Variants in NEK5 observed in about 807,000 individuals in gnomAD.
NEK5 encodes the protein NIMA related kinase 5, also known as serine/threonine-protein kinase Nek5.
NEK5 carries 88 observed loss-of-function variants against 109.2 expected under a neutral mutation model. That is an observed-to-expected ratio of 0.81 (90% confidence interval 0.68 to 0.96). The LOEUF is 0.96. Ranked by LOEUF, NEK5 falls within the 40% of genes least tolerant of loss-of-function variation. NEK5 has a pLI of 0.00. For missense variants in NEK5, 834 were observed against 920.7 expected, an observed-to-expected ratio of 0.91 and a Z score of 1.22; for synonymous variants, 283 against 299.9, an observed-to-expected ratio of 0.94 and a Z score of 0.58.
At chr13:52,080,072 C>T (rs1246832169) in intron 17 of NEK5, among the ~76,000 whole-genome samples, 72 of 151,922 alleles carry the variant, frequency 4.7e-4, no homozygotes, top group African/African-American at 1.6e-3. Context: ...GGCAGCCGCC[C>T]GGTCTGAGAA....
intron 12 of NEK5, among the ~76,000 whole-genome samples, chr13:52,095,044 G>A (rs1229872768): frequency 1.3e-5 from 2 of 151,994 alleles, no homozygotes; most frequent in Non-Finnish European, 2.9e-5. Context: ...ATCCTCCCAA[G>A]TAACTGGGAC....
intron 20 of NEK5, among the ~76,000 whole-genome samples, chr13:52,067,456 C>T (rs1954708806): frequency 6.6e-6 from 1 of 152,178 alleles, no homozygotes; most frequent in South Asian, 2.1e-4. Context: ...GATAAGGGAG[C>T]AAAGTCCAAC....
chr13:52,050,118 A>C lies in NEK5; in HGVS notation c.2214T>G (p.Ser738=). 3 of 981,598 alleles carry C rather than the reference A, an allele frequency of 3.1e-6. No homozygotes were observed. The highest frequency in any genetic ancestry group is 3.6e-6 in the Non-Finnish European group (3 of 826,060). The allele number at this position is 981,598 out of a possible 1,614,324, so 60.8% of individuals were successfully genotyped here. A position where few individuals can be genotyped will look rare whatever the true frequency, so the allele number is the denominator to read the frequency against. ...EVDEEQLEPR[S]DDDDTNFEES... is the part of the protein sequence containing the mutation. Reference sequence around the variant, plus strand: ...GATCTACTTACGTATCATCATCATCAGATCTTGGTTCTAGTTGTTCCTCAT... The same window carrying C: ...GATCTACTTACGTATCATCATCATCCGATCTTGGTTCTAGTTGTTCCTCAT... The change falls in exon 23 of 24, where the codon TCT becomes TCG. Residue 738 remains serine (S), a synonymous_variant. Transcript: ENST00000684899.
At chr13:52,070,994 C>T (rs1277198927) in intron 20 of NEK5, among the ~76,000 whole-genome samples, 1 of 152,180 alleles carries the variant, frequency 6.6e-6, no homozygotes, top group Admixed American at 6.5e-5. Context: ...AGAAAGGTCA[C>T]ATAACCAGAA....
intron 8 of NEK5, among the ~76,000 whole-genome samples, chr13:52,106,172 GA>G (rs1955651229): frequency 1.5e-5 from 2 of 134,562 alleles, no homozygotes; most frequent in African/African-American, 5.1e-5. Flanking sequence ...GGTGCCAGGG[GA>G]TGTCTCAAAA....
chr13:52,091,149 G>GA (rs1955275534), intron 13 of NEK5, among the ~76,000 whole-genome samples: 1 of 152,188 alleles, frequency 6.6e-6, no homozygotes, highest in African/African-American at 2.4e-5. Flanking sequence ...GGGCATCCAG[G>GA]AAAGAGAAGG....
At chr13:52,066,257 C>T (rs1235478512) in intron 20 of NEK5, among the ~76,000 whole-genome samples, 1 of 152,076 alleles carries the variant, frequency 6.6e-6, no homozygotes, top group Non-Finnish European at 1.5e-5. Flanking sequence ...CTAATCATTT[C>T]CTGCCAGATT....
chr13:52,058,652 A>G (rs909239152), intron 22 of NEK5, among the ~76,000 whole-genome samples: 1 of 151,932 alleles, frequency 6.6e-6, no homozygotes, highest in African/African-American at 2.4e-5. Context: ...AACGCCACAT[A>G]TCTACAACTA....
chr13:52,044,284 T>C (rs1179682572), intron 23 of NEK5, among the ~76,000 whole-genome samples: 2 of 152,216 alleles, frequency 1.3e-5, no homozygotes, highest in Admixed American at 1.3e-4. Flanking sequence ...CTCCCCTTTA[T>C]ATTCCATTAC....
At chr13:52,102,533 G>A (rs1032447700) in intron 9 of NEK5, among the ~76,000 whole-genome samples, 6 of 152,066 alleles carry the variant, frequency 3.9e-5, no homozygotes, top group African/African-American at 1.4e-4. Flanking sequence ...CCAAATCATG[G>A]TTTTTAAACA....
chr13:52,101,909 A>G (rs1331362667), intron 11 of NEK5, 24 bp downstream of exon 11: 11 of 1,582,326 alleles, frequency 7.0e-6, no homozygotes, highest in Non-Finnish European at 9.6e-6. Context: ...AATACTTTTG[A>G]TTGCATGCCA....
intron 10 of NEK5, 29 bp from the exon 11 acceptor site, chr13:52,102,043 T>A: frequency 1.2e-6 from 2 of 1,612,602 alleles, no homozygotes; most frequent in Non-Finnish European, 1.7e-6. Context: ...GTCAAGGACC[T>A]GCAACCCAAA....
intron 17 of NEK5, among the ~76,000 whole-genome samples, chr13:52,078,016 G>T (rs1361202114): frequency 6.6e-6 from 1 of 151,948 alleles, no homozygotes; most frequent in African/African-American, 2.4e-5. Flanking sequence ...AGAGGTTGTG[G>T]TGAACTGAGA....
rs1267523333 is a variant in NEK5, at chr13:52,101,989, A to G, written c.836T>C (p.Met279Thr). The change falls in exon 11 of 24, where the codon ATG becomes ACG. Residue 279 changes from methionine (M) to threonine (T), a missense_variant. This residue lies in a region of NEK5 where 777 missense variants were observed against 824.7 expected (regional missense o/e 0.94). Transcript: ENST00000684899. ...TGGCGCTCCTGCTCTGCATATAAGC[A>G]TGTGACTGAATTCTTCCTGAATGAC... The part of the protein sequence containing the change: ...PEVIQEEFSH[M>T]LICRAGAPAS... 2.5e-6 allele frequency: 4 copies of G among 1,614,208 alleles called. No individual in the cohort carries two copies. The highest frequency in any genetic ancestry group is 3.4e-6 in the Non-Finnish European group (4 of 1,180,024).
rs142318030 is a variant in NEK5 at position 52,078,045 on chromosome 13, G to A, written c.1573-1902C>T. Among the ~76,000 whole-genome samples the A allele has an allele frequency of 3.3e-3, 495 of 151,544 alleles. 3 individuals carry two copies. Among genetic ancestry groups the A allele is most frequent in the African/African-American group, 0.011 (473 of 41,302 alleles). On this transcript the variant is annotated intron_variant, in intron 17 of 23. Transcript: ENST00000684899. ...ACTGAGATTGTGCCATTGCACTCCA[G>A]CCTGGGCAACAAGGGCGAAACTTGT...
rs528690883 is a variant in NEK5, at chr13:52,037,694, C to T, written c.2229-476G>A. Among the ~76,000 whole-genome samples, 8 of 152,140 alleles carry T rather than the reference C, an allele frequency of 5.3e-5. No homozygotes were observed. In the East Asian group the frequency reaches 9.7e-4, roughly 18 times the overall value. Reference sequence around the variant, plus strand: ...ATCCCAGCACTTTGGGAGGCCGAGGCGGGCGGATCACGAGGTCAGGAGATC... The same window carrying T: ...ATCCCAGCACTTTGGGAGGCCGAGGTGGGCGGATCACGAGGTCAGGAGATC... On this transcript the variant is annotated intron_variant, in intron 23 of 23. Coordinates refer to ENST00000684899, the MANE Select transcript of NEK5 (RefSeq NM_001365552.1).
intron 23 of NEK5, among the ~76,000 whole-genome samples, chr13:52,040,232 T>C (rs1954402060): frequency 6.6e-6 from 1 of 152,040 alleles, no homozygotes; most frequent in Admixed American, 6.6e-5. Flanking sequence ...TTAAGGCACC[T>C]GCCACCATGC....
At position 52,127,438 on chromosome 13, in the gene NEK5, G is replaced by T; in HGVS notation, c.45C>A (p.Phe15Leu). 6.2e-7 allele frequency: 1 copy of T among 1,612,880 alleles called. No homozygotes were observed. Among genetic ancestry groups the T allele is most frequent in the Non-Finnish European group, 8.5e-7 (1 of 1,178,884 alleles). Residue 15 changes from phenylalanine (F) to leucine (L), a missense_variant, in exon 3 of 24, where the codon TTC (phenylalanine) becomes TTA (leucine). Phe to Leu is a conservative substitution (Grantham distance 22, BLOSUM62 0). Around this residue, in one of 2 missense-constraint regions of NEK5, gnomAD observed 777 missense variants for 824.7 expected, o/e 0.94. Coordinates refer to ENST00000684899, the MANE Select transcript of NEK5 (RefSeq NM_001365552.1). ...DVIKAIGQGA[F>L]GKAYLAKGKS... is the part of the protein sequence containing the mutation. Reference sequence around the variant, plus strand: ...TCCCTTTAGCTAAGTATGCTTTCCCGAAGGCACCTTGCCCGATGGCCTTAA... The same window carrying T: ...TCCCTTTAGCTAAGTATGCTTTCCCTAAGGCACCTTGCCCGATGGCCTTAA...
In NEK5 at chr13:52,076,367, A is replaced by G. The variant is rs191304649; in HGVS notation, c.1573-224T>C. On this transcript the variant is annotated intron_variant, in intron 17 of 23. Coordinates refer to ENST00000684899, the MANE Select transcript of NEK5 (RefSeq NM_001365552.1). The stretch of plus-strand genomic sequence containing the variant: ...ATTCTATAATGTGACAATACTTATC[A>G]CTCCAGTCCACTCCAGTCCAACCCA... 1.1e-4 allele frequency among the ~76,000 whole-genome samples: 16 copies of G among 152,182 alleles called. No homozygotes were observed. The East Asian group carries it at 3.1e-3, about 29-fold the overall frequency.
Sources: gnomAD v4.1 joint callset for allele counts (sites outside exome capture counted in the v4.1 genomes callset) on GRCh38, gnomAD v4.1.1 for gene constraint, gnomAD v4.1.1 regional missense constraint, MANE v1.5 for transcripts, NCBI Gene and HGNC (gene_info 2026-07-23, HGNC 2026-07-21) for gene names.